PSMD10: variants seen among roughly 807,000 people sequenced by gnomAD.
The protein encoded by PSMD10 is proteasome 26S subunit, non-ATPase 10.
PSMD10 carries 2 observed loss-of-function variants against 13.2 expected under a neutral mutation model. The observed-to-expected ratio is 0.15, with a 90% CI of 0.06 to 0.48. PSMD10 has a LOEUF of 0.48. Among genes scored for constraint, PSMD10 ranks in the 20% least tolerant of loss-of-function variants. PSMD10 has a pLI of 0.97. For missense variants in PSMD10, 120 were observed against 167.4 expected, an observed-to-expected ratio of 0.72 and a Z score of 1.56; for synonymous variants, 66 against 64.4, an observed-to-expected ratio of 1.03 and a Z score of -0.12.
intron 4 of PSMD10, among the ~76,000 whole-genome samples, chrX:108,086,149 C>T (rs761598519): frequency 1.8e-4 from 20 of 112,114 alleles, no homozygotes; most frequent in Non-Finnish European, 3.2e-4. Context: ...AAAAAGAAGA[C>T]TCACAGAACT....
chrX:108,091,469 T>C lies in PSMD10; in HGVS notation c.52A>G (p.Lys18Glu), dbSNP rs1208328323. The C allele has an allele frequency of 8.2e-7, 1 of 1,212,258 alleles. No individual in the cohort carries two copies. Among genetic ancestry groups the C allele is most frequent in the Non-Finnish European group, 1.1e-6 (1 of 895,593 alleles). The change falls in exon 1 of 5, where the codon AAG (lysine) becomes GAG (glutamate). Residue 18 changes from lysine (K) to glutamate (E), a missense_variant. By Grantham distance (56) the Lys-to-Glu change is moderately conservative. This residue lies in a region of PSMD10 where 32 missense variants were observed against 26.2 expected (regional missense o/e 1.22). Coordinates refer to ENST00000217958, the MANE Select transcript of PSMD10 (RefSeq NM_002814.4). Reference sequence around the variant, plus strand: ...ATACTCTCCTTCAACTCTTCCAGCTTCCCGCTGTAGGCCAGGTTGCAGACC... The same window carrying C: ...ATACTCTCCTTCAACTCTTCCAGCTCCCCGCTGTAGGCCAGGTTGCAGACC... Reference protein sequence around the residue: ...LMVCNLAYSGKLEELKESILA... With the variant: ...LMVCNLAYSGELEELKESILA...
In PSMD10 at chrX:108,085,108, C is replaced by T; in HGVS notation, c.547G>A (p.Glu183Lys). ...NTPLHLACDE[E>K]RVEEAKLLVS... Reference sequence around the variant, plus strand: ...AGCAGTTTTGCTTCTTCCACTCTCTCCTCATCACAGGCTAAGTGTCTGAAA... The same window carrying T: ...AGCAGTTTTGCTTCTTCCACTCTCTTCTCATCACAGGCTAAGTGTCTGAAA... The change falls in exon 5 of 5, where the codon GAG becomes AAG. Residue 183 changes from glutamate (E) to lysine (K), a missense_variant. Glu to Lys is a moderately conservative substitution (Grantham distance 56). This residue lies in a region of PSMD10 where 68 missense variants were observed against 124.8 expected (regional missense o/e 0.54). Transcript: ENST00000217958. 2 of 1,205,135 alleles carry T rather than the reference C, an allele frequency of 1.7e-6. No homozygotes were observed. Among genetic ancestry groups the T allele is most frequent in the East Asian group, 3.0e-5 (1 of 33,617 alleles).
Position 108,084,593 on chromosome X carries a change from G to A in PSMD10, c.*381C>T, listed in dbSNP as rs1174167316. ...TTTAACTGTATGGAGGAACATTACA[G>A]AATCCACATAGAAACATCTGGCAGA... On this transcript the variant is annotated 3_prime_UTR_variant, in exon 5 of 5. Coordinates refer to ENST00000217958, the MANE Select transcript of PSMD10 (RefSeq NM_002814.4). 1 of 121,679 alleles carries A rather than the reference G, an allele frequency of 8.2e-6. No homozygotes were observed. Among genetic ancestry groups the A allele is most frequent in the Non-Finnish European group, 1.7e-5 (1 of 59,352 alleles). 10.0% of individuals were successfully genotyped at this position (121,679 alleles called of 1,213,427 possible). A position where few individuals can be genotyped will look rare whatever the true frequency, so the allele number is the denominator to read the frequency against.
chrX:108,084,988 T>G lies in PSMD10; in HGVS notation c.667A>C (p.Met223Leu). ...KGGLGLILKR[M>L]VEG is the part of the protein sequence containing the mutation. Reference sequence around the variant, plus strand: ...ATCCAAGCTGTTTAACCTTCCACCATTCTCTTGAGTATTAAACCCAGGCCA... The same window carrying G: ...ATCCAAGCTGTTTAACCTTCCACCAGTCTCTTGAGTATTAAACCCAGGCCA... Residue 223 changes from methionine to leucine, a missense_variant, in exon 5 of 5, where the codon ATG becomes CTG. Met to Leu is a conservative substitution (Grantham distance 15). This residue lies in a region of PSMD10 where 20 missense variants were observed against 16.4 expected (regional missense o/e 1.22). Coordinates refer to ENST00000217958, the MANE Select transcript of PSMD10 (RefSeq NM_002814.4). 8.3e-7 allele frequency: 1 copy of G among 1,203,015 alleles called. No individual in the cohort carries two copies.
chrX:108,084,324 T>C lies in PSMD10; in HGVS notation c.*650A>G, dbSNP rs2031470427. On this transcript the variant is annotated 3_prime_UTR_variant, in exon 5 of 5. Transcript: ENST00000217958. ...TACAGGATGACACAAAATAGGTACT[T>C]TAAAACTTCCTTTTAAGAAAACCAT... 1 of 112,818 alleles carries C rather than the reference T, an allele frequency of 8.9e-6. No homozygotes were observed. The highest frequency in any genetic ancestry group is 1.9e-5 in the Non-Finnish European group (1 of 53,349). The allele number at this position is 112,818 out of a possible 1,213,427, so 9.3% of individuals were successfully genotyped here. A position where few individuals can be genotyped will look rare whatever the true frequency, so the allele number is the denominator to read the frequency against.
At chrX:108,090,190 C>T (rs1365009339) in intron 1 of PSMD10, among the ~76,000 whole-genome samples, 1 of 112,182 alleles carries the variant, frequency 8.9e-6, no homozygotes, top group Non-Finnish European at 1.9e-5. Flanking sequence ...CATTATTACA[C>T]TTACTAAAAT....
In PSMD10 at chrX:108,084,993, T is replaced by C. The variant is rs770775656; in HGVS notation, c.662A>G (p.Lys221Arg). The change falls in exon 5 of 5, where the codon AAG (lysine) becomes AGG (arginine). Residue 221 changes from lysine to arginine, a missense_variant. Lys to Arg is a conservative substitution (Grantham distance 26). Around this residue, in one of 3 missense-constraint regions of PSMD10, gnomAD observed 20 missense variants for 16.4 expected, o/e 1.22. Coordinates refer to ENST00000217958, the MANE Select transcript of PSMD10 (RefSeq NM_002814.4). ...VAKGGLGLIL[K>R]RMVEG ...AGCTGTTTAACCTTCCACCATTCTC[T>C]TGAGTATTAAACCCAGGCCACCTTT... 1 of 1,204,902 alleles carries C rather than the reference T, an allele frequency of 8.3e-7. No homozygotes were observed.
chrX:108,086,732 T>C (rs1317651878), intron 4 of PSMD10, among the ~76,000 whole-genome samples: 1 of 111,678 alleles, frequency 9.0e-6, no homozygotes, highest in African/African-American at 3.3e-5. Flanking sequence ...AAAAGGATAA[T>C]TTAGTGTTGG....
At chrX:108,088,133 GA>G in intron 2 of PSMD10, 34 bp from the exon 3 acceptor site, 7 of 1,161,418 alleles carry the variant, frequency 6.0e-6, no homozygotes, top group South Asian at 3.8e-5. Context: ...AATACCAGGG[GA>G]AAAAGGCACA....
intron 1 of PSMD10, among the ~76,000 whole-genome samples, chrX:108,090,086 G>T (rs2031559185): frequency 2.7e-5 from 3 of 112,065 alleles, no homozygotes; most frequent in Non-Finnish European, 3.8e-5. Flanking sequence ...TTTCCTTGCT[G>T]AGCTTTCCAA....
chrX:108,084,693 TCA>T lies in PSMD10; in HGVS notation c.*279_*280del, dbSNP rs1306314126. On this transcript the variant is annotated 3_prime_UTR_variant, in exon 5 of 5. Transcript: ENST00000217958. ...AGGTACATGGGAGGGTGCTGAAGACTCACAACAGCCACAGAATTAGTTACTCC... is the reference window on the plus strand; with the variant it reads ...AGGTACATGGGAGGGTGCTGAAGACTCAACAGCCACAGAATTAGTTACTCC... 1 of 213,268 alleles carries T rather than the reference TCA, an allele frequency of 4.7e-6. No individual in the cohort carries two copies. The highest frequency in any genetic ancestry group is 2.9e-5 in the African/African-American group (1 of 34,203). 17.6% of individuals were successfully genotyped at this position (213,268 alleles called of 1,213,427 possible).
At position 108,088,752 on chromosome X, in the gene PSMD10, A is replaced by G. The variant is rs1369834825; in HGVS notation, c.213T>C (p.Asp71=). The G allele has an allele frequency of 1.0e-5, 12 of 1,191,606 alleles. No homozygotes were observed. The Admixed American group carries it at 1.5e-4, about 15-fold the overall frequency. ...AACTCAACTTTATCAAAGTACTCAC[A>G]TCGTCTTTATCATTCACTGGCACTC... is the stretch of plus-strand genomic sequence containing the variant. The part of the protein sequence containing the change: ...QLGVPVNDKD[D]AGWSPLHIAA... The change falls in exon 2 of 5, where the codon GAT becomes GAC. Residue 71 remains aspartate, a splice_region_variant and synonymous_variant. Transcript: ENST00000217958.
At chrX:108,091,327 C>G in intron 1 of PSMD10, 80 bp downstream of exon 1, 1 of 954,477 alleles carries the variant, frequency 1.0e-6, no homozygotes, top group Non-Finnish European at 1.5e-6. Flanking sequence ...GAAACGGGGC[C>G]TCCGCTAGGG....
At position 108,084,840 on chromosome X, in the gene PSMD10, T is replaced by A; in HGVS notation, c.*134A>T. 1 of 724,090 alleles carries A rather than the reference T, an allele frequency of 1.4e-6. No individual in the cohort carries two copies. The highest frequency in any genetic ancestry group is 1.9e-6 in the Non-Finnish European group (1 of 520,387). The allele number at this position is 724,090 out of a possible 1,213,427, so 59.7% of individuals were successfully genotyped here. ...ACAAGTAACTCAGCAGGAACAAGAGTCAACATGTTTATAAGACTTTGAAGG... is the reference window on the plus strand; with the variant it reads ...ACAAGTAACTCAGCAGGAACAAGAGACAACATGTTTATAAGACTTTGAAGG... On this transcript the variant is annotated 3_prime_UTR_variant, in exon 5 of 5. Coordinates refer to ENST00000217958, the MANE Select transcript of PSMD10 (RefSeq NM_002814.4).
chrX:108,085,292 A>T (rs41300898), intron 4 of PSMD10, among the ~76,000 whole-genome samples, 165 bp from the exon 5 acceptor site: 1,673 of 112,510 alleles, frequency 0.015, 11 homozygotes, highest in Non-Finnish European at 0.027. Flanking sequence ...ACTGTAAGTT[A>T]AAATTCTACA....
At chrX:108,085,499 C>T (rs992069453) in intron 4 of PSMD10, among the ~76,000 whole-genome samples, 2 of 112,468 alleles carry the variant, frequency 1.8e-5, no homozygotes, top group African/African-American at 3.2e-5. Context: ...AATAGTAATT[C>T]GTGCAGCTTA....
chrX:108,087,557 C>G, intron 4 of PSMD10, 129 bp downstream of exon 4: 1 of 935,664 alleles, frequency 1.1e-6, no homozygotes, highest in Admixed American at 3.6e-5. Flanking sequence ...ATATTTTGTG[C>G]AATTTAACAT....
intron 4 of PSMD10, among the ~76,000 whole-genome samples, chrX:108,085,927 C>T (rs1336909873): frequency 9.0e-5 from 10 of 111,487 alleles, no homozygotes; most frequent in Admixed American, 6.7e-4. Flanking sequence ...ATCCTATGTT[C>T]GTCCCAGTAC....
rs747646632 is a variant in PSMD10 at position 108,088,050 on chromosome X, A to G, written c.263T>C (p.Ile88Thr). 1 of 1,208,999 alleles carries G rather than the reference A, an allele frequency of 8.3e-7. No homozygotes were observed. ...ACCTTTTCCCAGAAGGGCTTTTACA[A>G]TCTCATCCCGGCCAGCAGAAGCCGC... ...HIAASAGRDE[I>T]VKALLGKGAQ... The change falls in exon 3 of 5, where the codon ATT becomes ACT. Residue 88 changes from isoleucine (I) to threonine (T), a missense_variant. Transcript: ENST00000217958.
Sources: gnomAD v4.1 joint callset for allele counts (sites outside exome capture counted in the v4.1 genomes callset) on GRCh38, gnomAD v4.1.1 for gene constraint, gnomAD v4.1.1 regional missense constraint, MANE v1.5 for transcripts, NCBI Gene and HGNC (gene_info 2026-07-23, HGNC 2026-07-21) for gene names.